LZTFL1: variants seen among roughly 807,000 people sequenced by gnomAD.
The protein encoded by LZTFL1 is leucine zipper transcription factor-like protein 1.
LZTFL1 carries 25 observed loss-of-function variants against 45.9 expected under a neutral mutation model. The ratio of observed to expected loss-of-function variants is 0.54; its 90% confidence interval spans 0.40 to 0.76. The LOEUF is 0.76. Ranked by LOEUF, LZTFL1 falls within the 30% of genes least tolerant of loss-of-function variation. The pLI is 0.00. For synonymous variants in LZTFL1, 93 were observed against 117.4 expected (o/e 0.79, Z 1.35); for missense variants, 277 against 331.1 (o/e 0.84, Z 1.27).
chr3:45,906,825 C>T (rs1702689764), intron 2 of LZTFL1, among the ~76,000 whole-genome samples: 1 of 152,252 alleles, frequency 6.6e-6, no homozygotes, highest in African/African-American at 2.4e-5. Flanking sequence ...AGGCATGTGT[C>T]TGAACCTTAG....
At chr3:45,880,829 C>T (rs552625200) in intron 2 of LZTFL1, among the ~76,000 whole-genome samples, 2 of 152,126 alleles carry the variant, frequency 1.3e-5, no homozygotes, top group South Asian at 2.1e-4. Flanking sequence ...GTGTGAGGGC[C>T]CCCTTCCCAC....
intron 1 of LZTFL1, among the ~76,000 whole-genome samples, chr3:45,841,439 C>G (rs1262497005): frequency 2.0e-5 from 3 of 152,160 alleles, no homozygotes; most frequent in African/African-American, 7.2e-5. Flanking sequence ...ATACGGGGTG[C>G]TGGGATTCTT....
chr3:45,870,996 A>C (rs1327137998), intron 2 of LZTFL1, among the ~76,000 whole-genome samples: 1 of 152,230 alleles, frequency 6.6e-6, no homozygotes, highest in Non-Finnish European at 1.5e-5. Context: ...GTTCAGAAAC[A>C]TGCCCTGGGA....
chr3:45,884,374 C>A (rs1188416635), intron 2 of LZTFL1, among the ~76,000 whole-genome samples: 1 of 152,146 alleles, frequency 6.6e-6, no homozygotes, highest in African/African-American at 2.4e-5. Context: ...GAAGTTCTCT[C>A]TATGACTTCC....
intron 2 of LZTFL1, among the ~76,000 whole-genome samples, chr3:45,906,315 C>A (rs1702677728): frequency 6.6e-6 from 1 of 152,174 alleles, no homozygotes; most frequent in African/African-American, 2.4e-5. Context: ...AGCCACGATA[C>A]CTCCCAGAAT....
At chr3:45,872,396 T>A (rs1333886716) in intron 2 of LZTFL1, among the ~76,000 whole-genome samples, 1 of 152,158 alleles carries the variant, frequency 6.6e-6, no homozygotes, top group East Asian at 1.9e-4. Flanking sequence ...TTAGAAAACA[T>A]CTGTGGGGTA....
At chr3:45,897,514 C>G (rs936991323) in intron 2 of LZTFL1, 3 of 1,306,598 alleles carry the variant, frequency 2.3e-6, no homozygotes, top group Non-Finnish European at 3.2e-6. Context: ...GCTGGGTCAC[C>G]CAGGTCCTGG....
chr3:45,865,933 T>C (rs61630411), intron 2 of LZTFL1, among the ~76,000 whole-genome samples: 495 of 152,372 alleles, frequency 3.2e-3, no homozygotes, highest in African/African-American at 0.012. Context: ...GTATAGGCCA[T>C]GTAATCGAAT....
chr3:45,901,022 A>C lies in LZTFL1; in HGVS notation c.-215+12098T>G. On this transcript the variant is annotated intron_variant, in intron 2 of 4. Coordinates refer to the LZTFL1 transcript ENST00000472635. This position sits in a 1 kb window ranked among gnomAD's most constrained non-coding sequence, Gnocchi z 4.3. ...TCCTTGTCTACTGGTACTGCACAAG[A>C]GTGAAGACCATGACCGACATGTTCC... 6.2e-7 allele frequency: 1 copy of C among 1,614,184 alleles called. No individual in the cohort carries two copies. Among genetic ancestry groups the C allele is most frequent in the East Asian group, 2.2e-5 (1 of 44,884 alleles).
intron 2 of LZTFL1, among the ~76,000 whole-genome samples, chr3:45,862,308 T>C (rs1701503802): frequency 6.6e-6 from 1 of 152,198 alleles, no homozygotes; most frequent in African/African-American, 2.4e-5. Flanking sequence ...GGAAAAACCC[T>C]TCAGCCTCCA....
In LZTFL1 at chr3:45,826,325, G is replaced by C; in HGVS notation, c.889C>G (p.Pro297Ala). The change falls in exon 10 of 10, where the codon CCT (proline) becomes GCT (alanine). Residue 297 changes from proline to alanine, a missense_variant. Transcript: ENST00000296135. ...DLRKRLAQYE[P>A]ED Reference sequence around the variant, plus strand: ...GGAAATCTTCAGTTTTAATCTTCAGGTTCATATCTGGAGATATAAATTAAG... The same window carrying C: ...GGAAATCTTCAGTTTTAATCTTCAGCTTCATATCTGGAGATATAAATTAAG... 3 of 1,611,512 alleles carry C rather than the reference G, an allele frequency of 1.9e-6. No individual in the cohort carries two copies. Among genetic ancestry groups the C allele is most frequent in the East Asian group, 4.5e-5 (2 of 44,816 alleles).
In LZTFL1 at chr3:45,901,831, G is replaced by A; in HGVS notation, c.-215+11289C>T. 2 of 1,613,424 alleles carry A rather than the reference G, an allele frequency of 1.2e-6. No homozygotes were observed. The highest frequency in any genetic ancestry group is 1.7e-6 in the Non-Finnish European group (2 of 1,179,364). On this transcript the variant is annotated intron_variant, in intron 2 of 4. Coordinates refer to the LZTFL1 transcript ENST00000472635. This position sits in a 1 kb window ranked among gnomAD's most constrained non-coding sequence, Gnocchi z 4.3. Reference sequence around the variant, plus strand: ...CAGGCCCAGTGGGTTTCATTTACAAGGAGAGAGGGAAGCTTGAAGCTGTCG... The same window carrying A: ...CAGGCCCAGTGGGTTTCATTTACAAAGAGAGAGGGAAGCTTGAAGCTGTCG...
rs774110295 is a variant in LZTFL1 at position 45,828,633 on chromosome 3, A to T, written c.601-18T>A. 6 of 1,567,410 alleles carry T rather than the reference A, an allele frequency of 3.8e-6. No individual in the cohort carries two copies. Among genetic ancestry groups the T allele is most frequent in the Non-Finnish European group, 5.2e-6 (6 of 1,144,794 alleles). On this transcript the variant is annotated intron_variant, in intron 7 of 9. Coordinates refer to ENST00000296135, the MANE Select transcript of LZTFL1 (RefSeq NM_020347.4). ...ATAAAATCCTATGAAAAATAAATGC[A>T]TGCATGTAATTTCATGTTGATATTC...
At chr3:45,882,796 A>G (rs552329766) in intron 2 of LZTFL1, among the ~76,000 whole-genome samples, 1,389 of 89,348 alleles carry the variant, frequency 0.016, 21 homozygotes, top group African/African-American at 0.06. Context: ...CAAAGGGGAT[A>G]CTATTATTAT....
intron 2 of LZTFL1, chr3:45,897,703 A>G (rs1344896048): frequency 8.7e-7 from 1 of 1,144,068 alleles, no homozygotes; most frequent in East Asian, 2.7e-5. Context: ...CAGGAACCAA[A>G]GTCGTCCCTT....
At chr3:45,911,101 A>T (rs1351237860) in intron 2 of LZTFL1, among the ~76,000 whole-genome samples, 4 of 152,190 alleles carry the variant, frequency 2.6e-5, no homozygotes, top group South Asian at 2.1e-4. Flanking sequence ...GGGAAGTTGC[A>T]GGTCCTTTTC....
intron 2 of LZTFL1, among the ~76,000 whole-genome samples, chr3:45,905,488 G>A (rs1445572051): frequency 1.3e-5 from 2 of 152,142 alleles, no homozygotes; most frequent in South Asian, 2.1e-4. Flanking sequence ...ACTTGTATAC[G>A]CTCAATTGTG....
At chr3:45,880,510 A>T (rs907310306) in intron 2 of LZTFL1, among the ~76,000 whole-genome samples, 4 of 152,244 alleles carry the variant, frequency 2.6e-5, no homozygotes, top group Middle Eastern at 3.4e-3. Context: ...TCAAAAAAAA[A>T]GGAAATCGGA....
intron 2 of LZTFL1, among the ~76,000 whole-genome samples, chr3:45,870,758 C>T (rs867630379): frequency 6.6e-6 from 1 of 152,210 alleles, no homozygotes; most frequent in Admixed American, 6.6e-5. Context: ...GTAAAGCACT[C>T]GTTGATTACA....
Sources: gnomAD v4.1 joint callset for allele counts (sites outside exome capture counted in the v4.1 genomes callset) on GRCh38, gnomAD v4.1.1 for gene constraint, Gnocchi (gnomAD v3.1) non-coding constraint, MANE v1.5 for transcripts, NCBI Gene and HGNC (gene_info 2026-07-23, HGNC 2026-07-21) for gene names.